RGN: variants seen among roughly 807,000 people sequenced by gnomAD.
RGN encodes the protein epididymis secretory protein Li 41.
Under a neutral mutation model 20.6 loss-of-function variants are expected in RGN, and 19 were observed. The observed-to-expected ratio is 0.92, with a 90% CI of 0.64 to 1.35. The LOEUF (loss-of-function observed/expected upper bound fraction) is 1.35, where lower values mean the gene tolerates loss of function less well. RGN is among the 40% of genes most tolerant of loss of function. The pLI is 0.00. For synonymous variants in RGN, 85 were observed against 87.2 expected (o/e 0.97, Z 0.14); for missense variants, 302 against 232.7 (o/e 1.30, Z -1.94).
At chrX:47,091,964 T>A in intron 6 of RGN, 97 bp from the exon 7 acceptor site, 1 of 957,962 alleles carries the variant, frequency 1.0e-6, no homozygotes, top group Non-Finnish European at 1.4e-6. Flanking sequence ...CACAGATGAA[T>A]CCTGACCTCC....
chrX:47,079,135 A>AT (rs1556380218), intron 1 of RGN, among the ~76,000 whole-genome samples: 1 of 107,892 alleles, frequency 9.3e-6, no homozygotes, highest in African/African-American at 3.4e-5. Context: ...AATTTTTTGT[A>AT]TTTTTTGTAG....
At chrX:47,079,560 C>T (rs781904945) in intron 1 of RGN, among the ~76,000 whole-genome samples, 38 of 106,086 alleles carry the variant, frequency 3.6e-4, no homozygotes, top group Non-Finnish European at 6.8e-4. Context: ...CCTCATGAGT[C>T]GCTGGGATTA....
intron 3 of RGN, among the ~76,000 whole-genome samples, chrX:47,084,215 TG>T (rs1410830400): frequency 2.7e-5 from 3 of 111,122 alleles, no homozygotes; most frequent in African/African-American, 9.8e-5. Context: ...TTCTATCTAT[TG>T]CTGCCCAGAT....
intron 3 of RGN, among the ~76,000 whole-genome samples, chrX:47,083,945 C>G (rs1930467945): frequency 9.1e-6 from 1 of 110,002 alleles, no homozygotes; most frequent in African/African-American, 3.3e-5. Context: ...AATGCAAATC[C>G]TGGATTGGAG....
chrX:47,079,926 C>T (rs5906322), intron 1 of RGN, among the ~76,000 whole-genome samples: 27,541 of 110,599 alleles, frequency 0.25, 2,524 homozygotes, highest in South Asian at 0.45. Flanking sequence ...CTCTGTTGCC[C>T]AGGCTGGAGT....
At chrX:47,088,738 C>T (rs1238338133) in intron 4 of RGN, among the ~76,000 whole-genome samples, 1 of 107,245 alleles carries the variant, frequency 9.3e-6, no homozygotes, top group Non-Finnish European at 1.9e-5. Flanking sequence ...CTGAGACCAG[C>T]CTGGGCAACA....
chrX:47,092,251 G>C (rs782682963), intron 7 of RGN, 36 bp downstream of exon 7: 5 of 1,110,343 alleles, frequency 4.5e-6, no homozygotes, highest in Non-Finnish European at 4.8e-6. Flanking sequence ...GGGGGTGGGG[G>C]ATCCCAAATA....
At chrX:47,079,256 G>C (rs1263350723) in intron 1 of RGN, among the ~76,000 whole-genome samples, 1 of 109,807 alleles carries the variant, frequency 9.1e-6, no homozygotes, top group Admixed American at 9.8e-5. Context: ...CACCAGCACC[G>C]GCCTGAGCCC....
intron 4 of RGN, among the ~76,000 whole-genome samples, chrX:47,088,255 T>C (rs1407100090): frequency 9.2e-6 from 1 of 108,356 alleles, no homozygotes; most frequent in Non-Finnish European, 1.9e-5. Flanking sequence ...TGCTTGTTAC[T>C]AGATAATGAA....
Position 47,086,777 on chromosome X carries a change from G to T in RGN, c.346+2177G>T, listed in dbSNP as rs1041002191. Among the ~76,000 whole-genome samples the T allele has an allele frequency of 2.9e-5, 3 of 102,374 alleles. No individual in the cohort carries two copies. The South Asian group carries it at 1.4e-3, about 47-fold the overall frequency. 88.9% of individuals were successfully genotyped at this position (102,374 alleles called of 115,157 possible). On this transcript the variant is annotated intron_variant, in intron 4 of 7. Transcript: ENST00000397180. The stretch of plus-strand genomic sequence containing the variant: ...AGAGAGAGAGAGAGAGAGAGAGAGA[G>T]AGAGAGAAAGAGAGAGAGAACGCAT...
chrX:47,079,365 TTTG>T (rs577227306), intron 1 of RGN, among the ~76,000 whole-genome samples: 1,312 of 23,627 alleles, frequency 0.056, 14 homozygotes, highest in African/African-American at 0.22. Flanking sequence ...TGTTTTTTTT[TTTG>T]TTTTGTTTTG....
intron 4 of RGN, among the ~76,000 whole-genome samples, chrX:47,089,242 TG>T (rs1401349097): frequency 3.5e-5 from 2 of 57,686 alleles, no homozygotes; most frequent in Non-Finnish European, 7.1e-5. Flanking sequence ...CTGTGCTCAG[TG>T]GGAGAAAATG....
Position 47,090,940 on chromosome X carries a change from G to GAAGGAAGGAAAGAA in RGN, c.563-736_563-735insGGAAGGAAAGAAAA, listed in dbSNP as rs1556387471. Among the ~76,000 whole-genome samples the GAAGGAAGGAAAGAA allele has an allele frequency of 3.0e-3, 77 of 26,042 alleles. 6 individuals carry two copies. The highest frequency in any genetic ancestry group is 5.6e-3 in the African/African-American group (65 of 11,639). The allele number at this position is 26,042 out of a possible 115,157, so 22.6% of individuals were successfully genotyped here. The stretch of plus-strand genomic sequence containing the variant: ...GGAAAGAAAGAAAGAAAGAAAGAAA[G>GAAGGAAGGAAAGAA]AAAGAAAGAAAGAAAGAAAGAAAGA... On this transcript the variant is annotated intron_variant, in intron 5 of 7. Coordinates refer to ENST00000397180, the MANE Select transcript of RGN (RefSeq NM_152869.4).
At chrX:47,083,060 C>T (rs2090898350) in intron 3 of RGN, among the ~76,000 whole-genome samples, 1 of 110,753 alleles carries the variant, frequency 9.0e-6, no homozygotes, top group African/African-American at 3.3e-5. Flanking sequence ...CCATTCACCA[C>T]AGCAATCAAT....
chrX:47,084,711 T>C, intron 4 of RGN, 111 bp downstream of exon 4: 1 of 670,807 alleles, frequency 1.5e-6, no homozygotes, highest in Non-Finnish European at 2.2e-6. Flanking sequence ...ATCCAGCACT[T>C]TGGGAGCCAA....
At chrX:47,084,209 A>G (rs1930478652) in intron 3 of RGN, among the ~76,000 whole-genome samples, 1 of 110,448 alleles carries the variant, frequency 9.1e-6, no homozygotes. Context: ...TCACATTTCT[A>G]TCTATTGCTG....
In RGN at chrX:47,081,226, T is replaced by C. The variant is rs781865838; in HGVS notation, c.82T>C (p.Ser28Pro). Residue 28 changes from serine (S) to proline (P), a missense_variant, in exon 3 of 8, where the codon TCT becomes CCT. Coordinates refer to ENST00000397180, the MANE Select transcript of RGN (RefSeq NM_152869.4). ...ESPVWEEVSN[S>P]LLFVDIPAKK... ...TCCAGTATGGGAGGAAGTGTCCAAC[T>C]CTCTGCTCTTTGTAGACATTCCTGC... 1 of 1,206,602 alleles carries C rather than the reference T, an allele frequency of 8.3e-7. No individual in the cohort carries two copies. The highest frequency in any genetic ancestry group is 1.1e-6 in the Non-Finnish European group (1 of 892,305).
chrX:47,090,919 A>AGAAAGAAAGAAAGAAAGAAAGAAG (rs1930940190), intron 5 of RGN, among the ~76,000 whole-genome samples: 2 of 9,873 alleles, frequency 2.0e-4, no homozygotes, highest in African/African-American at 6.4e-4. Flanking sequence ...GAAGAAGGAA[A>AGAAAGAAAGAAAGAAAGAAAGAAG]GAAAGAAAGA....
At chrX:47,081,430 A>G in intron 3 of RGN, 123 bp downstream of exon 3, 6 of 527,507 alleles carry the variant, frequency 1.1e-5, no homozygotes, top group Admixed American at 3.5e-5. Flanking sequence ...TCCCCACTCC[A>G]TATCCTCCCA....
Sources: gnomAD v4.1 joint callset for allele counts (sites outside exome capture counted in the v4.1 genomes callset) on GRCh38, gnomAD v4.1.1 for gene constraint, MANE v1.5 for transcripts, NCBI Gene and HGNC (gene_info 2026-07-23, HGNC 2026-07-21) for gene names.